Variants in MACROD2 observed in about 807,000 individuals in gnomAD.
MACROD2 encodes mono-ADP ribosylhydrolase 2, also known as ADP-ribose glycohydrolase MACROD2.
Under a neutral mutation model 70.4 loss-of-function variants are expected in MACROD2, and 36 were observed. That is an observed-to-expected ratio of 0.51 (90% CI 0.39 to 0.68). The LOEUF (loss-of-function observed/expected upper bound fraction) is 0.68. Ranked by LOEUF, MACROD2 falls within the 30% of genes least tolerant of loss-of-function variation. MACROD2 has a pLI of 0.00. For missense variants in MACROD2, 496 were observed against 538.4 expected, an observed-to-expected ratio of 0.92 and a Z score of 0.78; for synonymous variants, 172 against 178.8, an observed-to-expected ratio of 0.96 and a Z score of 0.30.
chr20:14,055,332 A>G (rs2053619588), intron 2 of MACROD2, among the ~76,000 whole-genome samples: 1 of 151,918 alleles, frequency 6.6e-6, no homozygotes, highest in Non-Finnish European at 1.5e-5. Flanking sequence ...GCCGCCCTCT[A>G]GTGATCGATT....
intron 3 of MACROD2, among the ~76,000 whole-genome samples, chr20:14,462,308 G>GT (rs1311191669): frequency 6.6e-6 from 1 of 152,056 alleles, no homozygotes; most frequent in East Asian, 1.9e-4. Context: ...TTTTTCATGT[G>GT]TTTTTTGGCT....
chr20:15,033,825 A>G (rs754767453), intron 5 of MACROD2, among the ~76,000 whole-genome samples: 1 of 152,230 alleles, frequency 6.6e-6, no homozygotes, highest in Non-Finnish European at 1.5e-5. Context: ...TGCATAAAAT[A>G]TCCACCAGGT....
chr20:15,763,152 C>T (rs571692554), intron 8 of MACROD2, among the ~76,000 whole-genome samples: 1 of 152,134 alleles, frequency 6.6e-6, no homozygotes, highest in South Asian at 2.1e-4. Flanking sequence ...ATAACTGATA[C>T]TTAAAGGGAC....
chr20:15,255,940 C>T (rs1403363732), intron 6 of MACROD2, among the ~76,000 whole-genome samples: 1 of 152,132 alleles, frequency 6.6e-6, no homozygotes, highest in Non-Finnish European at 1.5e-5. Context: ...AGGAAACTGA[C>T]TTACACACAT....
intron 3 of MACROD2, among the ~76,000 whole-genome samples, chr20:14,370,528 A>T (rs1177743201): frequency 6.6e-6 from 1 of 152,184 alleles, no homozygotes; most frequent in African/African-American, 2.4e-5. Flanking sequence ...TATAGCATAG[A>T]AGGCCATCTA....
chr20:14,892,819 C>T (rs1021051274), intron 5 of MACROD2: 5 of 152,278 alleles, frequency 3.3e-5, no homozygotes, highest in Admixed American at 6.5e-5. Flanking sequence ...GCTGGGACTA[C>T]AGGTGTATGC....
At chr20:14,457,926 C>T (rs1203881042) in intron 3 of MACROD2, among the ~76,000 whole-genome samples, 1 of 151,946 alleles carries the variant, frequency 6.6e-6, no homozygotes, top group South Asian at 2.1e-4. Context: ...ATGGTGAAAC[C>T]TCATCTCTAC....
chr20:15,314,837 G>T (rs1005431698), intron 6 of MACROD2, among the ~76,000 whole-genome samples: 4 of 152,196 alleles, frequency 2.6e-5, no homozygotes, highest in African/African-American at 9.7e-5. Flanking sequence ...AAAAGTGTCT[G>T]TATATACTGG....
At chr20:15,029,652 A>G (rs2075259534) in intron 5 of MACROD2, among the ~76,000 whole-genome samples, 1 of 152,184 alleles carries the variant, frequency 6.6e-6, no homozygotes, top group African/African-American at 2.4e-5. Context: ...TCTACCAATC[A>G]TTATAATGAA....
chr20:14,731,452 T>C (rs953026091), intron 5 of MACROD2, among the ~76,000 whole-genome samples: 8 of 152,170 alleles, frequency 5.3e-5, no homozygotes, highest in African/African-American at 1.9e-4. Context: ...ACTCAATCTC[T>C]GCCTAAATGA....
chr20:15,042,708 G>C (rs528686220), intron 5 of MACROD2, among the ~76,000 whole-genome samples: 1 of 152,250 alleles, frequency 6.6e-6, no homozygotes, highest in Admixed American at 6.5e-5. Flanking sequence ...GAAGCTCAGC[G>C]TGCCATAGTT....
chr20:14,432,868 T>G (rs1018385691), intron 3 of MACROD2, among the ~76,000 whole-genome samples: 6 of 152,154 alleles, frequency 3.9e-5, no homozygotes, highest in Admixed American at 3.9e-4. Context: ...TTTTACTTAT[T>G]GTTAATTTGG....
chr20:15,383,012 A>G (rs1482629864), intron 6 of MACROD2, among the ~76,000 whole-genome samples: 1 of 152,242 alleles, frequency 6.6e-6, no homozygotes, highest in East Asian at 1.9e-4. Context: ...CTTCAAATTC[A>G]GAAGAAAAGG....
At chr20:16,022,112 G>A (rs1027831423) in intron 15 of MACROD2, among the ~76,000 whole-genome samples, 17 of 145,822 alleles carry the variant, frequency 1.2e-4, no homozygotes, top group African/African-American at 1.8e-4. Context: ...GTGCAGTGGC[G>A]CGATCTTGGC....
rs148359758 is a variant in MACROD2, at chr20:14,290,982, C to T, written c.272-202497C>T. ...AAAAAATCAAACAAATGGTCATGTT[C>T]ATATTAGTTGATATATTTGTTATTC... On this transcript the variant is annotated intron_variant, in intron 3 of 17. Coordinates refer to ENST00000684519, the MANE Select transcript of MACROD2 (RefSeq NM_001351661.2). Among the ~76,000 whole-genome samples the T allele has an allele frequency of 8.3e-4, 126 of 152,294 alleles. 1 individual carries two copies. The highest frequency in any genetic ancestry group is 3.0e-3 in the African/African-American group (126 of 41,574).
intron 3 of MACROD2, among the ~76,000 whole-genome samples, chr20:14,108,445 C>A: frequency 2.0e-5 from 3 of 146,544 alleles, no homozygotes; most frequent in African/African-American, 2.5e-5. Flanking sequence ...CTTAAGTCTC[C>A]AATCAAAAGA....
chr20:15,209,457 T>A (rs1466663841), intron 5 of MACROD2, among the ~76,000 whole-genome samples: 1 of 152,194 alleles, frequency 6.6e-6, no homozygotes, highest in African/African-American at 2.4e-5. Flanking sequence ...TAGGAAAAGA[T>A]GAAAATAACC....
intron 6 of MACROD2, among the ~76,000 whole-genome samples, chr20:15,406,288 G>C (rs6110593): frequency 6.6e-6 from 1 of 152,186 alleles, no homozygotes; most frequent in African/African-American, 2.4e-5. Context: ...TGGGCTGTTA[G>C]GTCATGTCCA....
intron 5 of MACROD2, among the ~76,000 whole-genome samples, chr20:14,704,152 A>C (rs917309723): frequency 6.6e-6 from 1 of 152,132 alleles, no homozygotes; most frequent in African/African-American, 2.4e-5. Flanking sequence ...GCATTAATCT[A>C]CCCAAGTTAA....
Sources: gnomAD v4.1 joint callset for allele counts (sites outside exome capture counted in the v4.1 genomes callset) on GRCh38, gnomAD v4.1.1 for gene constraint, MANE v1.5 for transcripts, NCBI Gene and HGNC (gene_info 2026-07-23, HGNC 2026-07-21) for gene names.